MYO16: variants seen among roughly 807,000 people sequenced by gnomAD.
MYO16 encodes unconventional myosin-XVI.
In MYO16, 94 loss-of-function variants were observed where a neutral mutation model predicts 205.3. That is an observed-to-expected ratio of 0.46 (90% CI 0.39 to 0.54). The LOEUF is 0.54. Ranked by LOEUF, MYO16 falls within the 20% of genes least tolerant of loss-of-function variation. The pLI, the probability that MYO16 is intolerant of heterozygous loss-of-function variation, is 0.00. For synonymous variants in MYO16, 988 were observed against 954.0 expected (o/e 1.04, Z -0.66); for missense variants, 2,315 against 2,387.5 (o/e 0.97, Z 0.63).
intron 5 of MYO16, among the ~76,000 whole-genome samples, chr13:108,790,825 T>G: frequency 6.6e-6 from 1 of 152,332 alleles, no homozygotes; most frequent in South Asian, 2.1e-4. Context: ...AATAGATATA[T>G]TTTCTTAATA....
intron 33 of MYO16, among the ~76,000 whole-genome samples, chr13:109,173,843 G>A (rs1194043284): frequency 4.7e-5 from 6 of 128,922 alleles, no homozygotes; most frequent in African/African-American, 1.5e-4. Context: ...AGCCGAGATC[G>A]CGCCACTGCG....
At chr13:108,691,416 GAGAGAGAGAGAT>G (rs2139494891) in intron 2 of MYO16, among the ~76,000 whole-genome samples, 1 of 152,034 alleles carries the variant, frequency 6.6e-6, no homozygotes, top group South Asian at 2.1e-4. Flanking sequence ...GTGTGTTTGT[GAGAGAGAGAGAT>G]AGAGAGAGAG....
At chr13:108,784,896 A>C (rs1231956783) in intron 4 of MYO16, among the ~76,000 whole-genome samples, 2 of 152,188 alleles carry the variant, frequency 1.3e-5, no homozygotes, top group Non-Finnish European at 1.5e-5. Flanking sequence ...CAATGGAGAC[A>C]GTTCATGTGA....
At chr13:109,143,886 A>G (rs275947) in intron 32 of MYO16, among the ~76,000 whole-genome samples, 151,352 of 152,316 alleles carry the variant, frequency 0.99, 75,201 homozygotes, top group Middle Eastern at 1. Context: ...ACATGAATTG[A>G]CAACTTTGGC....
rs67321937 is a variant in MYO16 at position 109,010,957 on chromosome 13, T to TTATATATATATATATATATATATATA, written c.2595+1927_2595+1928insATATATATATATATATATATATATAT. On this transcript the variant is annotated intron_variant, in intron 22 of 34. Coordinates refer to ENST00000457511, the MANE Select transcript of MYO16 (RefSeq NM_001198950.3). ...TCTATTATATATATTACATATAATA[T>TTATATATATATATATATATATATATA]TATATATATATATATATATTTCTTC... 3.6e-3 allele frequency among the ~76,000 whole-genome samples: 422 copies of TTATATATATATATATATATATATATA among 118,390 alleles called. 19 individuals carry two copies. Among genetic ancestry groups the TTATATATATATATATATATATATATA allele is most frequent in the African/African-American group, 6.7e-3 (217 of 32,172 alleles). The allele number at this position is 118,390 out of a possible 152,430, so 77.7% of individuals were successfully genotyped here.
chr13:108,569,021 A>G, the MYO16 span, among the ~76,000 whole-genome samples: 4 of 151,996 alleles, frequency 2.6e-5, no homozygotes, highest in Admixed American at 1.3e-4. Context: ...TTTGATCTAT[A>G]TGTCTGATTT....
At chr13:108,948,897 C>G (rs1883038422) in intron 16 of MYO16, among the ~76,000 whole-genome samples, 1 of 152,314 alleles carries the variant, frequency 6.6e-6, no homozygotes, top group Non-Finnish European at 1.5e-5. Context: ...CACCTCACAC[C>G]TCACATATAT....
intron 2 of MYO16, among the ~76,000 whole-genome samples, chr13:108,695,070 C>T (rs1269110729): frequency 6.6e-6 from 1 of 152,156 alleles, no homozygotes; most frequent in East Asian, 1.9e-4. Flanking sequence ...TGAGATCGCA[C>T]CATTGCACTC....
At chr13:108,765,511 CT>C (rs1245259979) in intron 4 of MYO16, among the ~76,000 whole-genome samples, 1 of 152,136 alleles carries the variant, frequency 6.6e-6, no homozygotes, top group African/African-American at 2.4e-5. Context: ...TAACTTTCAA[CT>C]CTTTTAGATG....
intron 1 of MYO16, among the ~76,000 whole-genome samples, chr13:108,652,246 A>G (rs1881046490): frequency 6.6e-6 from 1 of 152,214 alleles, no homozygotes; most frequent in Non-Finnish European, 1.5e-5. Context: ...CTGAACAACT[A>G]TCTTTTGGCC....
intron 25 of MYO16, among the ~76,000 whole-genome samples, chr13:109,054,476 A>G (rs1037040937): frequency 6.6e-6 from 1 of 152,212 alleles, no homozygotes; most frequent in Non-Finnish European, 1.5e-5. Context: ...TTGTAACATA[A>G]AACACCATCA....
the MYO16 span, among the ~76,000 whole-genome samples, chr13:108,554,260 G>T: frequency 6.6e-6 from 1 of 151,270 alleles, no homozygotes; most frequent in East Asian, 1.9e-4. Context: ...AAAAAAAAAG[G>T]CTTCCTTCCC....
chr13:108,741,156 G>A (rs537939699), intron 4 of MYO16, among the ~76,000 whole-genome samples: 11 of 152,182 alleles, frequency 7.2e-5, no homozygotes, highest in East Asian at 5.8e-4. Context: ...CCCACCATCC[G>A]ACACGCCCCA....
chr13:109,144,482 A>G (rs1019992537), intron 32 of MYO16, among the ~76,000 whole-genome samples: 2 of 152,218 alleles, frequency 1.3e-5, no homozygotes. Context: ...GGCTGGTTAT[A>G]TGACTATTAA....
the MYO16 span, among the ~76,000 whole-genome samples, chr13:108,500,232 G>T: frequency 0.83 from 14,230 of 17,078 alleles, 6,730 homozygotes; most frequent in Middle Eastern, 1. Flanking sequence ...TTTTTTTTTT[G>T]TTTTTTTTGT....
At chr13:108,769,554 GA>G (rs1396499194) in intron 4 of MYO16, among the ~76,000 whole-genome samples, 1 of 152,180 alleles carries the variant, frequency 6.6e-6, no homozygotes, top group Non-Finnish European at 1.5e-5. Flanking sequence ...GCTATTCTGT[GA>G]AAAATTAACT....
chr13:108,902,795 A>G (rs1880773638), intron 15 of MYO16, among the ~76,000 whole-genome samples: 2 of 152,186 alleles, frequency 1.3e-5, no homozygotes, highest in African/African-American at 4.8e-5. Flanking sequence ...ACCTTATTGT[A>G]ACTTGAGTAC....
intron 9 of MYO16, among the ~76,000 whole-genome samples, chr13:108,831,488 A>G (rs1876619200): frequency 6.6e-6 from 1 of 152,108 alleles, no homozygotes; most frequent in African/African-American, 2.4e-5. Context: ...GGTAATGCCA[A>G]GTAATCTTGC....
At chr13:108,867,603 G>C (rs897527530) in intron 12 of MYO16, among the ~76,000 whole-genome samples, 1 of 152,140 alleles carries the variant, frequency 6.6e-6, no homozygotes, top group African/African-American at 2.4e-5. Context: ...AAATGGTTTT[G>C]AGAAAAAGCT....
Sources: gnomAD v4.1 joint callset for allele counts (sites outside exome capture counted in the v4.1 genomes callset) on GRCh38, gnomAD v4.1.1 for gene constraint, MANE v1.5 for transcripts, NCBI Gene and HGNC (gene_info 2026-07-23, HGNC 2026-07-21) for gene names.